The following ALOX5 variants were observed in gnomAD, a reference collection of about 807,000 sequenced individuals.
ALOX5 encodes polyunsaturated fatty acid 5-lipoxygenase.
In ALOX5, 64 loss-of-function variants were observed where a neutral mutation model predicts 87.9. The ratio of observed to expected loss-of-function variants is 0.73; its 90% CI spans 0.60 to 0.90. ALOX5 has a LOEUF of 0.90. Ranked by LOEUF, ALOX5 falls within the 40% of genes least tolerant of loss-of-function variation. The probability of loss-of-function intolerance (pLI) is 0.00; values close to 1 mark genes in which losing one functional copy is unlikely to be tolerated. For synonymous variants in ALOX5, 388 were observed against 355.1 expected (o/e 1.09, Z -1.04); for missense variants, 822 against 907.5 (o/e 0.91, Z 1.21).
At chr10:45,392,826 T>A (rs1217871761) in intron 2 of ALOX5, among the ~76,000 whole-genome samples, 1 of 151,790 alleles carries the variant, frequency 6.6e-6, no homozygotes, top group African/African-American at 2.4e-5. Flanking sequence ...TATAAACAAC[T>A]CTAAGCAAAT....
intron 2 of ALOX5, among the ~76,000 whole-genome samples, chr10:45,383,882 A>C (rs1177477180): frequency 6.6e-6 from 1 of 152,166 alleles, no homozygotes. Context: ...GGTTGTGGAC[A>C]GGGCACTTCT....
At chr10:45,420,717 G>A (rs555564997) in intron 4 of ALOX5, among the ~76,000 whole-genome samples, 1 of 152,366 alleles carries the variant, frequency 6.6e-6, no homozygotes, top group Non-Finnish European at 1.5e-5. Flanking sequence ...CCTGGAAGGG[G>A]GCCAGCCCTC....
At chr10:45,438,285 A>G (rs181109625) in intron 7 of ALOX5, among the ~76,000 whole-genome samples, 20 of 152,308 alleles carry the variant, frequency 1.3e-4, no homozygotes, top group African/African-American at 4.6e-4. Context: ...TTGCCTGTTC[A>G]ATATCATGTT....
In ALOX5 at chr10:45,382,665, C is replaced by T. The variant is rs1253306498; in HGVS notation, c.333C>T (p.Val111=). The part of the protein sequence containing the change: ...YRWITGDVEV[V]LRDGRAKLAR... ...GGATCACCGGCGATGTCGAGGTTGT[C>T]CTGAGGGATGGACGCGGTGAGCAGC... Residue 111 remains valine (V), a synonymous_variant, in exon 2 of 14, where the codon GTC becomes GTT. Coordinates refer to ENST00000374391, the MANE Select transcript of ALOX5 (RefSeq NM_000698.5). The T allele has an allele frequency of 6.2e-7, 1 of 1,613,318 alleles. No homozygotes were observed. Among genetic ancestry groups the T allele is most frequent in the South Asian group, 1.1e-5 (1 of 90,946 alleles).
chr10:45,410,224 T>G (rs1375465071), intron 3 of ALOX5, among the ~76,000 whole-genome samples: 2 of 152,228 alleles, frequency 1.3e-5, no homozygotes, highest in Admixed American at 1.3e-4. Context: ...AATTAATTGA[T>G]CATTACTACC....
intron 6 of ALOX5, among the ~76,000 whole-genome samples, chr10:45,427,456 T>C (rs965989319): frequency 1.3e-5 from 2 of 152,190 alleles, no homozygotes; most frequent in African/African-American, 4.8e-5. Flanking sequence ...TCATCCCTGG[T>C]GTCACACCAC....
At chr10:45,385,159 T>C (rs1371102417) in intron 2 of ALOX5, among the ~76,000 whole-genome samples, 2 of 152,210 alleles carry the variant, frequency 1.3e-5, no homozygotes, top group Non-Finnish European at 2.9e-5. Context: ...GGCCAATTAT[T>C]AATCCACCAC....
chr10:45,445,728 G>C lies in ALOX5; in HGVS notation c.*41G>C, dbSNP rs1368799388. On this transcript the variant is annotated 3_prime_UTR_variant, in exon 14 of 14. Transcript: ENST00000374391. ...CACTGTGGGAAGGCCAGCTGCCCCA[G>C]CCAGATGGACTCCAGCCTGCCTGGC... is the stretch of plus-strand genomic sequence containing the variant. The C allele has an allele frequency of 6.3e-7, 1 of 1,585,812 alleles. No individual in the cohort carries two copies. The highest frequency in any genetic ancestry group is 8.6e-7 in the Non-Finnish European group (1 of 1,159,384).
chr10:45,395,786 T>G (rs755951833), intron 2 of ALOX5, 69 bp from the exon 3 acceptor site: 22 of 1,440,746 alleles, frequency 1.5e-5, no homozygotes, highest in Non-Finnish European at 2.1e-5. Flanking sequence ...GAGGGAAGCC[T>G]GAACACTTGG....
At position 45,440,457 on chromosome 10, in the gene ALOX5, C is replaced by T. The variant is rs28395860; in HGVS notation, c.1009C>T (p.Pro337Ser). 3.8e-4 allele frequency: 610 copies of T among 1,614,208 alleles called. 1 individual carries two copies. The highest frequency in any genetic ancestry group is 3.4e-4 in the Non-Finnish European group (405 of 1,180,046). Residue 337 changes from proline to serine, a missense_variant, in exon 8 of 14, where the codon CCT (proline) becomes TCT (serine). Coordinates refer to ENST00000374391, the MANE Select transcript of ALOX5 (RefSeq NM_000698.5). ...QLNQIPGDEN[P>S]IFLPSDAKYD... ...CAACCAAATCCCGGGAGATGAGAAC[C>T]CTATTTTCCTCCCTTCGGATGCAAA...
At chr10:45,394,825 C>T (rs1356811674) in intron 2 of ALOX5, among the ~76,000 whole-genome samples, 1 of 152,110 alleles carries the variant, frequency 6.6e-6, no homozygotes, top group African/African-American at 2.4e-5. Context: ...CAAAAGAAGA[C>T]GTTTATGCAG....
rs536226160 is a variant in ALOX5 at position 45,414,955 on chromosome 10, G to A, written c.554+2642G>A. Among the ~76,000 whole-genome samples the A allele has an allele frequency of 1.5e-3, 226 of 152,342 alleles. 1 individual carries two copies. Among genetic ancestry groups the A allele is most frequent in the African/African-American group, 5.2e-3 (216 of 41,574 alleles). Reference sequence around the variant, plus strand: ...AAACAACAGGTGCTGGAGAGGATGTGGAGAAGTAGGAACACTTTTACACTG... The same window carrying A: ...AAACAACAGGTGCTGGAGAGGATGTAGAGAAGTAGGAACACTTTTACACTG... On this transcript the variant is annotated intron_variant, in intron 4 of 13. Transcript: ENST00000374391.
chr10:45,395,802 G>T (rs1232859659), intron 2 of ALOX5, 53 bp from the exon 3 acceptor site: 2 of 1,524,480 alleles, frequency 1.3e-6, no homozygotes, highest in Non-Finnish European at 1.8e-6. Flanking sequence ...CTTGGCATTG[G>T]GCATTGTTAT....
At chr10:45,435,649 A>C (rs1469744487) in intron 7 of ALOX5, among the ~76,000 whole-genome samples, 2 of 152,246 alleles carry the variant, frequency 1.3e-5, no homozygotes, top group Admixed American at 6.5e-5. Context: ...CTTGGAGTAC[A>C]TGTATCACAT....
Position 45,443,020 on chromosome 10 carries a change from C to A in ALOX5, c.1273-18C>A, listed in dbSNP as rs903655140. 3.7e-6 allele frequency: 6 copies of A among 1,605,978 alleles called. No homozygotes were observed. Among genetic ancestry groups the A allele is most frequent in the Admixed American group, 3.4e-5 (2 of 59,326 alleles). On this transcript the variant is annotated intron_variant, in intron 9 of 13. Transcript: ENST00000374391. ...TGGGAGGAGCCACCCGCTCAGGGCA[C>A]TCTACCTCCCACTCCAGGCCAACGC...
intron 7 of ALOX5, among the ~76,000 whole-genome samples, chr10:45,429,392 G>A (rs1292846108): frequency 6.6e-6 from 1 of 152,214 alleles, no homozygotes; most frequent in Non-Finnish European, 1.5e-5. Context: ...GAGACTGGCA[G>A]ATGAGCATTC....
chr10:45,376,362 G>A (rs987955724), intron 1 of ALOX5, among the ~76,000 whole-genome samples: 1 of 151,816 alleles, frequency 6.6e-6, no homozygotes, highest in Non-Finnish European at 1.5e-5. Flanking sequence ...GGGGGCTACC[G>A]CAGGGTGGGG....
chr10:45,409,606 GCTTTCTCTCTCTCT>G (rs1457595868), intron 3 of ALOX5, among the ~76,000 whole-genome samples: 44 of 104,882 alleles, frequency 4.2e-4, no homozygotes, highest in Middle Eastern at 5.5e-3. Context: ...TGTCTCTCTT[GCTTTCTCTCTCTCT>G]CTTTCTCTCT....
rs1842349726 is a variant in ALOX5, at chr10:45,444,102, G to A, written c.1675-14G>A. ...TTCGGGGGTGCCCACGCTTGCTGGC[G>A]GTCGTCTCCGCAGTACGACTGGTGC... is the stretch of plus-strand genomic sequence containing the variant. On this transcript the variant is annotated splice_polypyrimidine_tract_variant and intron_variant, in intron 12 of 13. Transcript: ENST00000374391. 16 of 1,520,772 alleles carry A rather than the reference G, an allele frequency of 1.1e-5. No homozygotes were observed. In the Admixed American group the frequency reaches 2.6e-4, roughly 25 times the overall value. The allele number at this position is 1,520,772 out of a possible 1,614,324, so 94.2% of individuals were successfully genotyped here. A position where few individuals can be genotyped will look rare whatever the true frequency, so the allele number is the denominator to read the frequency against.
Sources: allele counts gnomAD v4.1 joint callset (sites outside exome capture counted in the v4.1 genomes callset), GRCh38; gene constraint gnomAD v4.1.1; transcripts MANE v1.5; gene names NCBI Gene and HGNC (gene_info 2026-07-23, HGNC 2026-07-21).